Variants in TSGA10 observed in about 807,000 individuals in gnomAD.
The protein encoded by TSGA10 is testis-specific gene 10 protein.
In TSGA10, 43 loss-of-function variants were observed where a neutral mutation model predicts 96.6. The ratio of observed to expected loss-of-function variants is 0.44; its 90% CI spans 0.35 to 0.57. TSGA10 has a LOEUF of 0.57. TSGA10 is among the 20% of genes least tolerant of loss of function. TSGA10 has a pLI of 0.01. For missense variants in TSGA10, 703 were observed against 834.4 expected (o/e 0.84, Z 1.94); for synonymous variants, 229 against 269.9 (o/e 0.85, Z 1.48).
intron 8 of TSGA10, 43 bp from the exon 9 acceptor site, chr2:99,105,479 C>A: frequency 6.2e-7 from 1 of 1,613,412 alleles, no homozygotes; most frequent in Non-Finnish European, 8.5e-7. Flanking sequence ...TTCAATATCC[C>A]TGAATTTGTG....
chr2:99,035,662 T>C (rs928240975), intron 16 of TSGA10, among the ~76,000 whole-genome samples: 2 of 151,498 alleles, frequency 1.3e-5, no homozygotes, highest in African/African-American at 4.8e-5. Context: ...GATGGTCAAC[T>C]GGTCATTCTT....
At chr2:99,050,132 G>A (rs1369050143) in intron 16 of TSGA10, among the ~76,000 whole-genome samples, 1 of 152,044 alleles carries the variant, frequency 6.6e-6, no homozygotes, top group East Asian at 1.9e-4. Context: ...CAAAGCCAAA[G>A]TAACAATGAA....
At chr2:99,001,155 C>T (rs188377591) in intron 20 of TSGA10, among the ~76,000 whole-genome samples, 1,857 of 152,274 alleles carry the variant, frequency 0.012, 40 homozygotes, top group African/African-American at 0.042. Flanking sequence ...GATCTGAGAA[C>T]GGACAGACTG....
intron 17 of TSGA10, among the ~76,000 whole-genome samples, chr2:99,023,154 C>T (rs898754958): frequency 1.3e-5 from 2 of 152,128 alleles, no homozygotes; most frequent in Admixed American, 1.3e-4. Flanking sequence ...TGTGCACCAC[C>T]ACACCTGGTT....
intron 10 of TSGA10, among the ~76,000 whole-genome samples, chr2:99,096,425 C>G (rs1574301140): frequency 6.6e-6 from 1 of 152,220 alleles, no homozygotes; most frequent in Non-Finnish European, 1.5e-5. Flanking sequence ...GTCACGTCTA[C>G]TGGGCTGCCT....
chr2:99,150,773 C>G (rs1335172708), intron 1 of TSGA10: 12 of 1,613,040 alleles, frequency 7.4e-6, no homozygotes, highest in African/African-American at 1.3e-5. Flanking sequence ...TCTGGGAAAG[C>G]CTTGGGTTCA....
chr2:98,998,910 T>G (rs1478824237), intron 20 of TSGA10, among the ~76,000 whole-genome samples: 1 of 152,160 alleles, frequency 6.6e-6, no homozygotes, highest in Non-Finnish European at 1.5e-5. Context: ...AATTACTATT[T>G]TTTGGAGACA....
In TSGA10 at chr2:99,117,767, T is replaced by C; in HGVS notation, c.-355-8A>G. The C allele has an allele frequency of 2.0e-6, 2 of 982,634 alleles. No homozygotes were observed. Among genetic ancestry groups the C allele is most frequent in the Non-Finnish European group, 2.4e-6 (2 of 827,036 alleles). The allele number at this position is 982,634 out of a possible 1,614,324, so 60.9% of individuals were successfully genotyped here. ...CTGTTTGAGATCTTCAATCTGTTAT[T>C]ATCAGAAAAAAAATCACATTAAAAT... is the stretch of plus-strand genomic sequence containing the variant. On this transcript the variant is annotated splice_region_variant and splice_polypyrimidine_tract_variant and intron_variant, in intron 3 of 20. Coordinates refer to ENST00000393483, the MANE Select transcript of TSGA10 (RefSeq NM_025244.4).
At chr2:99,092,073 T>C (rs2089420173) in intron 10 of TSGA10, among the ~76,000 whole-genome samples, 1 of 152,176 alleles carries the variant, frequency 6.6e-6, no homozygotes, top group African/African-American at 2.4e-5. Context: ...ATTTAAATTA[T>C]ATCAAGTACT....
chr2:99,028,790 TTTGTTTTCGTGA>T (rs1175298108), intron 17 of TSGA10, among the ~76,000 whole-genome samples: 3 of 152,198 alleles, frequency 2.0e-5, no homozygotes, highest in African/African-American at 7.2e-5. Flanking sequence ...TGTTTCCATT[TTTGTTTTCGTGA>T]TGTTTCCTCT....
At chr2:99,147,790 T>C (rs943079637) in intron 1 of TSGA10, among the ~76,000 whole-genome samples, 18 of 107,772 alleles carry the variant, frequency 1.7e-4, no homozygotes, top group African/African-American at 3.7e-4. Context: ...TGTCTTTCTG[T>C]ATCTATGTAT....
At chr2:99,023,995 A>G (rs1324835564) in intron 17 of TSGA10, among the ~76,000 whole-genome samples, 4 of 152,200 alleles carry the variant, frequency 2.6e-5, no homozygotes, top group African/African-American at 9.6e-5. Context: ...CTTAACAATG[A>G]TAAGTGTTCT....
intron 12 of TSGA10, among the ~76,000 whole-genome samples, chr2:99,075,998 C>G (rs1010969513): frequency 6.6e-6 from 1 of 152,106 alleles, no homozygotes. Flanking sequence ...CCATCTCATG[C>G]CCTTTGATGA....
At chr2:99,054,563 A>C (rs149021466) in intron 16 of TSGA10, among the ~76,000 whole-genome samples, 1,631 of 152,302 alleles carry the variant, frequency 0.011, 9 homozygotes, top group Middle Eastern at 0.027. Context: ...GAAAAGTGTG[A>C]AGAGAAAATC....
chr2:99,008,995 A>T (rs1182505622), intron 20 of TSGA10, among the ~76,000 whole-genome samples: 1 of 152,164 alleles, frequency 6.6e-6, no homozygotes, highest in African/African-American at 2.4e-5. Flanking sequence ...CCACAAAGAA[A>T]GGGGGTGGAG....
At chr2:99,122,903 T>C (rs1462464566) in intron 2 of TSGA10, among the ~76,000 whole-genome samples, 1 of 152,232 alleles carries the variant, frequency 6.6e-6, no homozygotes, top group African/African-American at 2.4e-5. Context: ...ACTTCCTTTC[T>C]GGTTAGAGAA....
rs1239023430 is a variant in TSGA10 at position 99,127,068 on chromosome 2, TGA to T, written c.-514_-513del. 3.9e-6 allele frequency: 5 copies of T among 1,289,360 alleles called. No homozygotes were observed. Among genetic ancestry groups the T allele is most frequent in the Non-Finnish European group, 5.1e-6 (5 of 988,798 alleles). 79.9% of individuals were successfully genotyped at this position (1,289,360 alleles called of 1,614,324 possible). A position where few individuals can be genotyped will look rare whatever the true frequency, so the allele number is the denominator to read the frequency against. On this transcript the variant is annotated 5_prime_UTR_variant, in exon 2 of 21. Coordinates refer to ENST00000393483, the MANE Select transcript of TSGA10 (RefSeq NM_025244.4). ...GCAACCTGTAATTTCAGTGTCGAGA[TGA>T]ATCTATCTTGGTTTCTCACTTCTTG...
At chr2:99,050,849 C>G (rs1485994677) in intron 16 of TSGA10, among the ~76,000 whole-genome samples, 1 of 152,034 alleles carries the variant, frequency 6.6e-6, no homozygotes, top group Non-Finnish European at 1.5e-5. Context: ...AATGATGGAC[C>G]AGCACACATG....
intron 20 of TSGA10, among the ~76,000 whole-genome samples, chr2:99,006,668 G>T (rs1403216515): frequency 6.6e-6 from 1 of 152,192 alleles, no homozygotes; most frequent in Middle Eastern, 3.2e-3. Flanking sequence ...AGGATGTGGA[G>T]AAATAGGAAC....
Sources: gnomAD v4.1 joint callset for allele counts (sites outside exome capture counted in the v4.1 genomes callset) on GRCh38, gnomAD v4.1.1 for gene constraint, MANE v1.5 for transcripts, NCBI Gene and HGNC (gene_info 2026-07-23, HGNC 2026-07-21) for gene names.